The following CSF1R variants were observed in gnomAD, a reference collection of about 807,000 sequenced individuals.
CSF1R encodes colony stimulating factor 1 receptor, also known as macrophage colony-stimulating factor 1 receptor.
CSF1R carries 40 observed loss-of-function variants against 110.0 expected under a neutral mutation model. That is an observed-to-expected ratio of 0.36 (90% confidence interval 0.28 to 0.47). The LOEUF (loss-of-function observed/expected upper bound fraction) is 0.47. CSF1R is among the 20% of genes least tolerant of loss of function. The pLI, the probability that CSF1R is intolerant of heterozygous loss-of-function variation, is 0.99. For missense variants in CSF1R, 1,052 were observed against 1,253.0 expected (o/e 0.84, Z 2.42); for synonymous variants, 523 against 503.4 (o/e 1.04, Z -0.52).
At chr5:150,075,946 G>T (rs186666453) in intron 5 of CSF1R, among the ~76,000 whole-genome samples, 1 of 152,338 alleles carries the variant, frequency 6.6e-6, no homozygotes, top group East Asian at 1.9e-4. Context: ...GGGCAGTGAT[G>T]CTCATGATTC....
intron 5 of CSF1R, 77 bp from the exon 6 acceptor site, chr5:150,073,570 C>A: frequency 6.8e-7 from 1 of 1,477,250 alleles, no homozygotes; most frequent in Non-Finnish European, 9.3e-7. Flanking sequence ...GTCATCCACC[C>A]ATTGATCCAG....
chr5:150,101,803 G>A (rs1050673220), intron 1 of CSF1R, among the ~76,000 whole-genome samples: 4 of 151,826 alleles, frequency 2.6e-5, no homozygotes, highest in Admixed American at 2.0e-4. Flanking sequence ...TTGTAAGAGT[G>A]TGTGTATACT....
chr5:150,056,431 T>C, intron 16 of CSF1R, 90 bp from the exon 17 acceptor site: 1 of 1,531,634 alleles, frequency 6.5e-7, no homozygotes, highest in East Asian at 2.3e-5. Flanking sequence ...CACATGGCTT[T>C]GGAGTCCCTG....
intron 1 of CSF1R, among the ~76,000 whole-genome samples, chr5:150,105,378 ATATATATTT>A (rs1759522203): frequency 1.1e-5 from 1 of 89,860 alleles, no homozygotes; most frequent in Non-Finnish European, 2.2e-5. Context: ...ATATATATAT[ATATATATTT>A]TTTTTTTTTT....
At chr5:150,091,447 A>C (rs191034979), upstream of CSF1R, among the ~76,000 whole-genome samples, 217 of 152,352 alleles carry the variant, frequency 1.4e-3, 1 homozygote, top group African/African-American at 4.5e-3. Context: ...AGGGAATGAA[A>C]TACTGGTACC....
chr5:150,070,618 G>A lies in CSF1R; in HGVS notation c.1083-47C>T, dbSNP rs576258388. ...TGTTGGTGAGCCCCAGCCTAGTATGGCCCCTGCCAGGATTGCAGTCAGATA... is the reference window on the plus strand; with the variant it reads ...TGTTGGTGAGCCCCAGCCTAGTATGACCCCTGCCAGGATTGCAGTCAGATA... On this transcript the variant is annotated intron_variant, in intron 6 of 20. Transcript: ENST00000675795. The A allele has an allele frequency of 2.6e-5, 35 of 1,326,312 alleles. No homozygotes were observed. The East Asian group carries it at 5.2e-4, about 20-fold the overall frequency. 82.2% of individuals were successfully genotyped at this position (1,326,312 alleles called of 1,614,324 possible).
chr5:150,102,394 A>AT (rs1454093989), intron 1 of CSF1R, among the ~76,000 whole-genome samples: 1 of 151,990 alleles, frequency 6.6e-6, no homozygotes, highest in Non-Finnish European at 1.5e-5. Context: ...TGAAATAAAC[A>AT]TTTTTTCCAT....
upstream of CSF1R, among the ~76,000 whole-genome samples, chr5:150,087,927 G>T (rs1224648593): frequency 6.6e-6 from 1 of 151,928 alleles, no homozygotes; most frequent in Non-Finnish European, 1.5e-5. Context: ...GTAGACATGG[G>T]GTTTCACCAT....
intron 1 of CSF1R, among the ~76,000 whole-genome samples, chr5:150,111,576 G>T (rs115429534): frequency 6.6e-6 from 1 of 152,314 alleles, no homozygotes; most frequent in Non-Finnish European, 1.5e-5. Flanking sequence ...GTACCAGAAG[G>T]TCTGGAGACA....
chr5:150,072,183 G>C (rs1018469149), intron 6 of CSF1R, among the ~76,000 whole-genome samples: 11 of 152,174 alleles, frequency 7.2e-5, no homozygotes, highest in African/African-American at 2.4e-4. Context: ...GTCTCCCTCT[G>C]AAAGGGCAGG....
At chr5:150,084,390 AGAAGGAAGGAAGGAAGGAAGGAAGGAAG>A (rs796350408) in intron 1 of CSF1R, among the ~76,000 whole-genome samples, 1 of 44,356 alleles carries the variant, frequency 2.3e-5, no homozygotes, top group Non-Finnish European at 4.4e-5. Flanking sequence ...AAAGAAAGAA[AGAAGGAAGGAAGGAAGGAAGGAAGGAAG>A]GAAGGAAGGA....
In CSF1R at chr5:150,077,403, A is replaced by G. The variant is rs374353325; in HGVS notation, c.762T>C (p.Asn254=). 4 of 1,613,642 alleles carry G rather than the reference A, an allele frequency of 2.5e-6. No individual in the cohort carries two copies. Among genetic ancestry groups the G allele is most frequent in the African/African-American group, 1.3e-5 (1 of 74,916 alleles). Residue 254 remains asparagine (N), a synonymous_variant, in exon 5 of 21, where the codon AAT becomes AAC. Coordinates refer to ENST00000675795, the MANE Select transcript of CSF1R (RefSeq NM_001288705.3). The part of the protein sequence containing the change: ...LAIPQQSDFH[N]NRYQKVLTLN... ...GGGTCAGGACTTTTTGGTAACGGTT[A>G]TTATGAAAGTCAGATTGTTGAGGGA...
At chr5:150,109,755 A>G (rs1759663866) in intron 1 of CSF1R, among the ~76,000 whole-genome samples, 1 of 152,212 alleles carries the variant, frequency 6.6e-6, no homozygotes, top group Non-Finnish European at 1.5e-5. Flanking sequence ...CTCTTTACTC[A>G]ACAACTCAAT....
At chr5:150,086,733 G>A, upstream of CSF1R, 1 of 373,596 alleles carries the variant, frequency 2.7e-6, no homozygotes, top group East Asian at 3.9e-5. Context: ...AGCTAGCTAA[G>A]TTTGGGGCCC....
In CSF1R at chr5:150,061,159, G is replaced by GA. The variant is rs1491260879; in HGVS notation, c.1859-188_1859-187insT. On this transcript the variant is annotated intron_variant, in intron 12 of 20. Transcript: ENST00000675795. ...CACACAGATGGCAGAGAGAGAGAGA[G>GA]GAGGGATGAGCCTGTCACTGAGCTG... is the stretch of plus-strand genomic sequence containing the variant. 4.0e-5 allele frequency among the ~76,000 whole-genome samples: 6 copies of GA among 150,920 alleles called. No homozygotes were observed. In the East Asian group the frequency reaches 1.2e-3, roughly 29 times the overall value.
upstream of CSF1R, chr5:150,086,723 A>G: frequency 2.6e-6 from 1 of 383,698 alleles, no homozygotes; most frequent in Non-Finnish European, 4.8e-6. Flanking sequence ...GCTTGGGGGG[A>G]GCTAGCTAAG....
intron 1 of CSF1R, among the ~76,000 whole-genome samples, chr5:150,101,254 C>G (rs567008787): frequency 1.3e-5 from 2 of 152,162 alleles, no homozygotes; most frequent in Non-Finnish European, 2.9e-5. Context: ...ATGAGAAAGA[C>G]GCGCCTGAGC....
At chr5:150,064,243 T>G (rs997305037) in intron 10 of CSF1R, among the ~76,000 whole-genome samples, 1 of 152,128 alleles carries the variant, frequency 6.6e-6, no homozygotes, top group Non-Finnish European at 1.5e-5. Flanking sequence ...AAGCTCAGCA[T>G]CACGAAACAT....
At chr5:150,097,109 A>T (rs920178070) in intron 1 of CSF1R, among the ~76,000 whole-genome samples, 7 of 152,164 alleles carry the variant, frequency 4.6e-5, no homozygotes, top group African/African-American at 7.2e-5. Flanking sequence ...AAAAAAATTT[A>T]AAAAGAACCT....
Sources: gnomAD v4.1 joint callset for allele counts (sites outside exome capture counted in the v4.1 genomes callset) on GRCh38, gnomAD v4.1.1 for gene constraint, MANE v1.5 for transcripts, NCBI Gene and HGNC (gene_info 2026-07-23, HGNC 2026-07-21) for gene names.